The following HEMK2 variants were observed in gnomAD, a reference collection of about 807,000 sequenced individuals.
HEMK2 encodes methyltransferase HEMK2.
At chr21:28,745,376 T>G in the HEMK2 span, among the ~76,000 whole-genome samples, 1 of 152,354 alleles carries the variant, frequency 6.6e-6, no homozygotes, top group Non-Finnish European at 1.5e-5. Flanking sequence ...TAGAATCGGC[T>G]TGTTATTTAA....
the HEMK2 span, among the ~76,000 whole-genome samples, chr21:28,712,967 T>C: frequency 6.6e-6 from 1 of 152,204 alleles, no homozygotes; most frequent in African/African-American, 2.4e-5. Context: ...CTTTCATGAA[T>C]GAAAATAAGA....
chr21:28,753,459 G>A, the HEMK2 span, among the ~76,000 whole-genome samples: 1 of 152,140 alleles, frequency 6.6e-6, no homozygotes, highest in South Asian at 2.1e-4. Flanking sequence ...CATATGGCCA[G>A]AATAGATCAT....
chr21:28,704,561 A>G, the HEMK2 span, among the ~76,000 whole-genome samples: 1 of 151,398 alleles, frequency 6.6e-6, no homozygotes, highest in East Asian at 1.9e-4. Flanking sequence ...TTTTGGCAAA[A>G]AAAAAAAAAA....
chr21:28,839,896 C>A, the HEMK2 span, among the ~76,000 whole-genome samples: 1 of 152,044 alleles, frequency 6.6e-6, no homozygotes, highest in Non-Finnish European at 1.5e-5. Context: ...GAAAAAAGAG[C>A]CTGCAGAGCC....
the HEMK2 span, among the ~76,000 whole-genome samples, chr21:28,818,187 AGGACTAGACT>A: frequency 6.6e-6 from 1 of 152,168 alleles, no homozygotes; most frequent in African/African-American, 2.4e-5. Flanking sequence ...AGAACGTGAA[AGGACTAGACT>A]GGCTGAGTCT....
chr21:28,874,632 T>C, the HEMK2 span: 1 of 152,262 alleles, frequency 6.6e-6, no homozygotes, highest in Admixed American at 6.5e-5. Flanking sequence ...CCTACTAGTA[T>C]CCACAGAACA....
At chr21:28,849,779 A>G in the HEMK2 span, among the ~76,000 whole-genome samples, 1 of 152,356 alleles carries the variant, frequency 6.6e-6, no homozygotes, top group African/African-American at 2.4e-5. Flanking sequence ...AATCTCAGAT[A>G]TTGAAGACCA....
chr21:28,672,191 T>C, the HEMK2 span, among the ~76,000 whole-genome samples: 1 of 152,244 alleles, frequency 6.6e-6, no homozygotes, highest in East Asian at 1.9e-4. Flanking sequence ...TTAAATCATT[T>C]GGAACTTCCC....
chr21:28,698,700 T>C, the HEMK2 span, among the ~76,000 whole-genome samples: 2 of 152,212 alleles, frequency 1.3e-5, no homozygotes. Flanking sequence ...CTCCATCTCC[T>C]ATGAACTGTT....
the HEMK2 span, among the ~76,000 whole-genome samples, chr21:28,575,749 T>C: frequency 6.6e-6 from 1 of 152,226 alleles, no homozygotes; most frequent in Admixed American, 6.5e-5. Context: ...ACGTAGAGTT[T>C]CCTTCCTTCC....
At chr21:28,731,324 A>G in the HEMK2 span, among the ~76,000 whole-genome samples, 1 of 152,216 alleles carries the variant, frequency 6.6e-6, no homozygotes, top group Non-Finnish European at 1.5e-5. Context: ...GCTAGAATCT[A>G]TAAATATCCA....
At chr21:28,760,560 C>T in the HEMK2 span, among the ~76,000 whole-genome samples, 1 of 152,152 alleles carries the variant, frequency 6.6e-6, no homozygotes. Context: ...TTGACTGTAT[C>T]CATTAGTTAC....
the HEMK2 span, among the ~76,000 whole-genome samples, chr21:28,831,450 G>GAAAGAAAGAAAGAAAGAAAAGA: frequency 2.9e-3 from 221 of 74,946 alleles, 9 homozygotes; most frequent in Non-Finnish European, 3.5e-3. Flanking sequence ...ATCTCAAAAA[G>GAAAGAAAGAAAGAAAGAAAAGA]AAAGAAAAGA....
At chr21:28,696,876 A>G in the HEMK2 span, among the ~76,000 whole-genome samples, 1 of 152,188 alleles carries the variant, frequency 6.6e-6, no homozygotes, top group Non-Finnish European at 1.5e-5. Flanking sequence ...TGGGGTTTGC[A>G]CCCTCTGAAG....
the HEMK2 span, among the ~76,000 whole-genome samples, chr21:28,764,540 C>T: frequency 6.6e-6 from 1 of 152,122 alleles, no homozygotes; most frequent in Non-Finnish European, 1.5e-5. Flanking sequence ...AGGATATACA[C>T]AGAGAGCACA....
the HEMK2 span, among the ~76,000 whole-genome samples, chr21:28,667,655 G>A: frequency 6.6e-6 from 1 of 152,052 alleles, no homozygotes; most frequent in Non-Finnish European, 1.5e-5. Flanking sequence ...ACCTACAGAA[G>A]TTAAAAATAA....
At chr21:28,742,176 C>T in the HEMK2 span, among the ~76,000 whole-genome samples, 2,076 of 152,188 alleles carry the variant, frequency 0.014, 23 homozygotes, top group Middle Eastern at 0.024. Flanking sequence ...GGACAGAGAC[C>T]GTGTAGCCCA....
the HEMK2 span, among the ~76,000 whole-genome samples, chr21:28,686,260 G>A: frequency 6.7e-4 from 102 of 151,982 alleles, no homozygotes; most frequent in Non-Finnish European, 1.1e-3. Context: ...TTGAGATGGC[G>A]TTGTGCTCTT....
chr21:28,854,945 C>T, the HEMK2 span, among the ~76,000 whole-genome samples: 26 of 152,228 alleles, frequency 1.7e-4, no homozygotes, highest in African/African-American at 5.5e-4. Context: ...CACTATAAAG[C>T]AGCCACACCA....
Sources: gnomAD v4.1 joint callset for allele counts (sites outside exome capture counted in the v4.1 genomes callset) on GRCh38, gnomAD v4.1.1 for gene constraint, MANE v1.5 for transcripts, NCBI Gene and HGNC (gene_info 2026-07-23, HGNC 2026-07-21) for gene names.